Variants in TAB1 observed in about 807,000 individuals in gnomAD.
TAB1 encodes TGF-beta activated kinase 1 (MAP3K7) binding protein 1.
A neutral mutation model predicts 54.5 loss-of-function variants in TAB1; 30 were observed. The observed-to-expected ratio is 0.55, with a 90% CI of 0.41 to 0.75. TAB1 has a LOEUF of 0.75. Ranked by LOEUF, TAB1 falls within the 30% of genes least tolerant of loss-of-function variation. The probability of loss-of-function intolerance (pLI) is 0.00; values close to 1 mark genes in which losing one functional copy is unlikely to be tolerated. For missense variants in TAB1, 609 were observed against 683.2 expected, an observed-to-expected ratio of 0.89 and a Z score of 1.21; for synonymous variants, 289 against 286.9, an observed-to-expected ratio of 1.01 and a Z score of -0.07.
At chr22:39,416,628 T>G (rs1385987288) in intron 3 of TAB1, 163 bp from the exon 4 acceptor site, 1 of 689,318 alleles carries the variant, frequency 1.5e-6, no homozygotes. Context: ...AGCCGGTGCC[T>G]TGCAGTGCTG....
intron 8 of TAB1, among the ~76,000 whole-genome samples, chr22:39,424,438 CTTTTT>C (rs762665225): frequency 1.1e-5 from 1 of 89,472 alleles, no homozygotes; most frequent in African/African-American, 4.4e-5. Flanking sequence ...GTTCTGATTT[CTTTTT>C]TTTTTTTTTT....
At chr22:39,423,316 A>G (rs1927174717) in intron 8 of TAB1, among the ~76,000 whole-genome samples, 2 of 152,154 alleles carry the variant, frequency 1.3e-5, no homozygotes, top group South Asian at 4.1e-4. Flanking sequence ...ATTAAAAATC[A>G]TGTATTGGCC....
In TAB1 at chr22:39,426,944, C is replaced by T. The variant is rs114151120; in HGVS notation, c.1144+19C>T. 2 of 1,601,428 alleles carry T rather than the reference C, an allele frequency of 1.2e-6. No individual in the cohort carries two copies. Among genetic ancestry groups the T allele is most frequent in the South Asian group, 1.1e-5 (1 of 90,796 alleles). On this transcript the variant is annotated intron_variant, in intron 9 of 10. Coordinates refer to ENST00000216160, the MANE Select transcript of TAB1 (RefSeq NM_006116.3). ...GCCCCAGGTACGTGTGCTGTGCAGA[C>T]AGGCAGTGCCTGGGGATGCCATCTG...
intron 1 of TAB1, among the ~76,000 whole-genome samples, chr22:39,411,890 A>G (rs962601755): frequency 6.6e-6 from 1 of 152,234 alleles, no homozygotes; most frequent in South Asian, 2.1e-4. Flanking sequence ...ATATTACTCT[A>G]TGAAAGAGAG....
chr22:39,402,213 C>T (rs1045674518), intron 1 of TAB1, among the ~76,000 whole-genome samples: 2 of 152,114 alleles, frequency 1.3e-5, no homozygotes, highest in Non-Finnish European at 2.9e-5. Flanking sequence ...GATGGGGTTT[C>T]GCCATGTTGC....
At chr22:39,429,665 A>C (rs1345305279) in intron 10 of TAB1, 2 of 302,668 alleles carry the variant, frequency 6.6e-6, no homozygotes, top group Non-Finnish European at 9.7e-6. Context: ...TATTTTTAGT[A>C]GAGATGGGGT....
chr22:39,434,155 C>G (rs912087062), downstream of TAB1, among the ~76,000 whole-genome samples: 82 of 152,232 alleles, frequency 5.4e-4, no homozygotes, highest in Non-Finnish European at 2.5e-4. Flanking sequence ...CTGAACACAT[C>G]GAGTGGCCAT....
At chr22:39,434,584 A>G (rs868779280), downstream of TAB1, among the ~76,000 whole-genome samples, 23 of 152,252 alleles carry the variant, frequency 1.5e-4, no homozygotes, top group African/African-American at 5.5e-4. Context: ...GAGCAGAGAC[A>G]GGCGCTTGGC....
intron 9 of TAB1, 42 bp from the exon 10 acceptor site, chr22:39,427,976 TCTC>T (rs1927422611): frequency 6.5e-7 from 1 of 1,527,738 alleles, no homozygotes; most frequent in Middle Eastern, 1.8e-4. Context: ...ACCCTGGGTT[TCTC>T]CTCAGCTGCT....
In TAB1 at chr22:39,431,218, G is replaced by T. The variant is rs1267420607; in HGVS notation, c.*996G>T. On this transcript the variant is annotated 3_prime_UTR_variant, in exon 11 of 11. Transcript: ENST00000216160. ...AGACACAGTACCCTGGGAGGCATAG[G>T]AGAAGGGTCGGGCCAGCCCAGCCCA... is the stretch of plus-strand genomic sequence containing the variant. The T allele has an allele frequency of 1.0e-6, 1 of 985,512 alleles. No individual in the cohort carries two copies. The highest frequency in any genetic ancestry group is 1.2e-6 in the Non-Finnish European group (1 of 830,068). The allele number at this position is 985,512 out of a possible 1,614,324, so 61.0% of individuals were successfully genotyped here.
At position 39,418,635 on chromosome 22, in the gene TAB1, A is replaced by G; in HGVS notation, c.551-97A>G. 8 of 886,770 alleles carry G rather than the reference A, an allele frequency of 9.0e-6. No individual in the cohort carries two copies. The South Asian group carries it at 1.1e-4, about 13-fold the overall frequency. The allele number at this position is 886,770 out of a possible 1,614,324, so 54.9% of individuals were successfully genotyped here. Reference sequence around the variant, plus strand: ...TGTTTTGCCCATTTCAGGTATTTCCATGTGTGAAATGCCTGCCTTTTCCCT... The same window carrying G: ...TGTTTTGCCCATTTCAGGTATTTCCGTGTGTGAAATGCCTGCCTTTTCCCT... On this transcript the variant is annotated intron_variant, in intron 5 of 10. Coordinates refer to ENST00000216160, the MANE Select transcript of TAB1 (RefSeq NM_006116.3).
chr22:39,431,483 T>C lies in TAB1; in HGVS notation c.*1261T>C, dbSNP rs1286766872. On this transcript the variant is annotated 3_prime_UTR_variant, in exon 11 of 11. Transcript: ENST00000216160. ...CATCTCCCAGTCTCCCTGCCCCCCATGCCCCAGACCGGCCCACCAGGGACT... is the reference window on the plus strand; with the variant it reads ...CATCTCCCAGTCTCCCTGCCCCCCACGCCCCAGACCGGCCCACCAGGGACT... 3.3e-5 allele frequency: 33 copies of C among 985,736 alleles called. No homozygotes were observed. Among genetic ancestry groups the C allele is most frequent in the Non-Finnish European group, 4.0e-5 (33 of 830,160 alleles). 61.1% of individuals were successfully genotyped at this position (985,736 alleles called of 1,614,324 possible). A position where few individuals can be genotyped will look rare whatever the true frequency, so the allele number is the denominator to read the frequency against.
chr22:39,422,817 G>A (rs530775005), intron 8 of TAB1, among the ~76,000 whole-genome samples: 1 of 152,266 alleles, frequency 6.6e-6, no homozygotes, highest in East Asian at 1.9e-4. Context: ...ATACCTTGGA[G>A]TCACCAAAGT....
In TAB1 at chr22:39,430,099, C is replaced by T. The variant is rs118150487; in HGVS notation, c.1392C>T (p.Ser464=). Residue 464 remains serine (S), a synonymous_variant, in exon 11 of 11, where the codon TCC becomes TCT. Coordinates refer to ENST00000216160, the MANE Select transcript of TAB1 (RefSeq NM_006116.3). ...SSSSDGGLFR[S]RPAHSLPPGE... ...GCTCTGACGGAGGCCTCTTCCGCTC[C>T]CGGCCCGCCCACTCGCTCCCGCCTG... The T allele has an allele frequency of 5.2e-4, 834 of 1,614,080 alleles. 10 individuals are homozygous for T. In the East Asian group the frequency reaches 0.017, roughly 33 times the overall value.
rs1443925370 is a variant in TAB1, at chr22:39,426,996, C to T, written c.1144+71C>T. The T allele has an allele frequency of 1.3e-5, 20 of 1,494,172 alleles. No homozygotes were observed. The African/African-American group carries it at 1.4e-4, about 10-fold the overall frequency. The allele number at this position is 1,494,172 out of a possible 1,614,324, so 92.6% of individuals were successfully genotyped here. Reference sequence around the variant, plus strand: ...GGGCCAGAGGTGGGTGCAGAGCCCCCGAGGCTGCTTGAAACGGAGATGGAG... The same window carrying T: ...GGGCCAGAGGTGGGTGCAGAGCCCCTGAGGCTGCTTGAAACGGAGATGGAG... On this transcript the variant is annotated intron_variant, in intron 9 of 10. Transcript: ENST00000216160.
chr22:39,404,103 CAT>C (rs1238073991), intron 1 of TAB1, among the ~76,000 whole-genome samples: 1 of 152,020 alleles, frequency 6.6e-6, no homozygotes, highest in Admixed American at 6.5e-5. Context: ...AGGAAGAGCT[CAT>C]GTGATTTGCT....
intron 5 of TAB1, 148 bp from the exon 6 acceptor site, chr22:39,418,584 G>C: frequency 1.6e-6 from 1 of 629,474 alleles, no homozygotes. Flanking sequence ...GTCCCTAACT[G>C]GTGACTCACC....
chr22:39,431,500 C>T lies in TAB1; in HGVS notation c.*1278C>T, dbSNP rs1253320419. The T allele has an allele frequency of 6.1e-6, 6 of 985,532 alleles. No homozygotes were observed. The highest frequency in any genetic ancestry group is 1.7e-5 in the African/African-American group (1 of 57,244). The allele number at this position is 985,532 out of a possible 1,614,324, so 61.0% of individuals were successfully genotyped here. ...GCCCCCCATGCCCCAGACCGGCCCA[C>T]CAGGGACTAGCCGCTGTCGCACAGC... On this transcript the variant is annotated 3_prime_UTR_variant, in exon 11 of 11. Coordinates refer to ENST00000216160, the MANE Select transcript of TAB1 (RefSeq NM_006116.3).
intron 1 of TAB1, among the ~76,000 whole-genome samples, chr22:39,401,920 T>C (rs896670684): frequency 7.9e-5 from 12 of 152,224 alleles, no homozygotes; most frequent in Non-Finnish European, 4.4e-5. Context: ...CTGTGAGGGC[T>C]GCTGGTCTGT....
Sources: gnomAD v4.1 joint callset for allele counts (sites outside exome capture counted in the v4.1 genomes callset) on GRCh38, gnomAD v4.1.1 for gene constraint, MANE v1.5 for transcripts, NCBI Gene and HGNC (gene_info 2026-07-23, HGNC 2026-07-21) for gene names.